The following SPECC1 variants were observed in gnomAD, a reference collection of about 807,000 sequenced individuals.
The protein encoded by SPECC1 is cytospin-B.
A neutral mutation model predicts 104.1 loss-of-function variants in SPECC1; 62 were observed. The ratio of observed to expected loss-of-function variants is 0.60; its 90% CI spans 0.49 to 0.74. SPECC1 has a LOEUF of 0.74. Ranked by LOEUF, SPECC1 falls within the 30% of genes least tolerant of loss-of-function variation. The probability of loss-of-function intolerance (pLI) is 0.00; values close to 1 mark genes in which losing one functional copy is unlikely to be tolerated. For synonymous variants in SPECC1, 513 were observed against 501.6 expected (o/e 1.02, Z -0.30); for missense variants, 1,306 against 1,310.5 (o/e 1.00, Z 0.05).
At chr17:20,274,682 A>G (rs1288004796) in intron 12 of SPECC1, among the ~76,000 whole-genome samples, 1 of 151,268 alleles carries the variant, frequency 6.6e-6, no homozygotes, top group Non-Finnish European at 1.5e-5. Flanking sequence ...AGGTTTCACC[A>G]CATTAGCCAG....
At chr17:20,185,435 T>C (rs1244309644) in intron 3 of SPECC1, among the ~76,000 whole-genome samples, 1 of 152,210 alleles carries the variant, frequency 6.6e-6, no homozygotes. Flanking sequence ...GAGGCTACCA[T>C]GCTGGGGAGA....
chr17:20,044,588 A>G (rs1021955188), intron 1 of SPECC1, among the ~76,000 whole-genome samples: 2 of 152,244 alleles, frequency 1.3e-5, no homozygotes, highest in African/African-American at 4.8e-5. Flanking sequence ...CAATAAAATG[A>G]AAGAAGATGT....
At chr17:20,271,264 A>G (rs534506839) in intron 12 of SPECC1, among the ~76,000 whole-genome samples, 1 of 151,764 alleles carries the variant, frequency 6.6e-6, no homozygotes, top group Admixed American at 6.6e-5. Context: ...ACGTTTATCA[A>G]CTGCTATTTC....
intron 3 of SPECC1, among the ~76,000 whole-genome samples, chr17:20,135,863 A>G (rs1446093416): frequency 6.6e-6 from 1 of 152,200 alleles, no homozygotes; most frequent in Non-Finnish European, 1.5e-5. Context: ...AGACCATAAG[A>G]AAAGTCTGTA....
chr17:20,065,194 A>C (rs1215630230), intron 1 of SPECC1, among the ~76,000 whole-genome samples: 1 of 152,148 alleles, frequency 6.6e-6, no homozygotes, highest in East Asian at 1.9e-4. Flanking sequence ...GACCAAATGT[A>C]TGGGGGTTTC....
chr17:20,246,740 A>G (rs2039439458), intron 8 of SPECC1, among the ~76,000 whole-genome samples: 1 of 152,226 alleles, frequency 6.6e-6, no homozygotes, highest in African/African-American at 2.4e-5. Context: ...TACAGTAACA[A>G]TATCTTTCTT....
rs58803620 is a variant in SPECC1, at chr17:20,316,703, GTTTTT to G, written c.*2645_*2649del. The G allele has an allele frequency of 8.9e-5, 16 of 180,196 alleles. No individual in the cohort carries two copies. The highest frequency in any genetic ancestry group is 4.0e-4 in the South Asian group (2 of 5,014). The allele number at this position is 180,196 out of a possible 1,614,324, so 11.2% of individuals were successfully genotyped here. ...GTGTTTTTTTTGTTGTTGTTTGTTTGTTTTTTTTTTTGAGACAGAGTCTTGCTCTG... is the reference window on the plus strand; with the variant it reads ...GTGTTTTTTTTGTTGTTGTTTGTTTGTTTTTTGAGACAGAGTCTTGCTCTG... On this transcript the variant is annotated 3_prime_UTR_variant, in exon 15 of 15. Transcript: ENST00000395527.
chr17:20,238,616 A>G, intron 7 of SPECC1: 2 of 1,042,628 alleles, frequency 1.9e-6, no homozygotes, highest in Non-Finnish European at 2.3e-6. Context: ...GTGAGAAGAG[A>G]CATTGAGGTC....
chr17:20,032,122 T>G (rs1317800307), intron 1 of SPECC1, among the ~76,000 whole-genome samples: 1 of 151,672 alleles, frequency 6.6e-6, no homozygotes, highest in African/African-American at 2.4e-5. Context: ...TTTCTATTAT[T>G]GTGGTTCTTT....
intron 12 of SPECC1, among the ~76,000 whole-genome samples, chr17:20,276,296 T>A (rs935948263): frequency 4.2e-4 from 64 of 151,670 alleles, no homozygotes; most frequent in African/African-American, 1.4e-3. Flanking sequence ...CTTTAAAAAA[T>A]TTTTTTAGAG....
intron 1 of SPECC1, among the ~76,000 whole-genome samples, chr17:20,046,302 T>C (rs1038573135): frequency 2.6e-5 from 4 of 152,142 alleles, no homozygotes; most frequent in African/African-American, 9.7e-5. Flanking sequence ...ATTTTTTCTT[T>C]CTAGGCTTCT....
chr17:20,015,336 C>T (rs2044078144), intron 1 of SPECC1, among the ~76,000 whole-genome samples: 1 of 149,258 alleles, frequency 6.7e-6, no homozygotes, highest in Admixed American at 6.7e-5. Flanking sequence ...GCTGTGTTGC[C>T]CAGGCCTGGA....
At chr17:20,127,544 GC>G (rs1208779644) in intron 3 of SPECC1, among the ~76,000 whole-genome samples, 1 of 148,948 alleles carries the variant, frequency 6.7e-6, no homozygotes, top group Non-Finnish European at 1.5e-5. Context: ...CTGGGCTCCA[GC>G]AGTCCTCTTG....
intron 7 of SPECC1, among the ~76,000 whole-genome samples, chr17:20,243,853 T>C (rs1334515894): frequency 6.6e-6 from 1 of 152,182 alleles, no homozygotes; most frequent in African/African-American, 2.4e-5. Context: ...TATCAAAGAA[T>C]GAAATGTAAA....
At chr17:20,291,076 G>A (rs1368443832) in intron 12 of SPECC1, among the ~76,000 whole-genome samples, 7 of 152,208 alleles carry the variant, frequency 4.6e-5, no homozygotes, top group Non-Finnish European at 8.8e-5. Context: ...AACCTGGCCC[G>A]TTTGGATGCA....
At chr17:20,034,473 C>T (rs542750966) in intron 1 of SPECC1, among the ~76,000 whole-genome samples, 2 of 152,158 alleles carry the variant, frequency 1.3e-5, no homozygotes, top group East Asian at 3.9e-4. Flanking sequence ...TTCCCATATA[C>T]CTTTCATCTA....
chr17:20,264,379 G>C (rs2013576), intron 12 of SPECC1, among the ~76,000 whole-genome samples: 106,596 of 150,850 alleles, frequency 0.71, 39,393 homozygotes, highest in East Asian at 0.99. Context: ...TTTCAACTCA[G>C]GCCTTCTTCC....
intron 13 of SPECC1, among the ~76,000 whole-genome samples, chr17:20,303,296 C>T (rs1249802960): frequency 6.6e-6 from 1 of 152,216 alleles, no homozygotes; most frequent in African/African-American, 2.4e-5. Flanking sequence ...CAGGAGTTCA[C>T]AGCTCCCCTC....
rs1446345774 is a variant in SPECC1, at chr17:20,313,968, C to G, written c.3118-8C>G. 3 of 1,613,910 alleles carry G rather than the reference C, an allele frequency of 1.9e-6. No homozygotes were observed. Reference sequence around the variant, plus strand: ...TTGTGATCTGTCCCCCATTCCCTTCCCCTGCAGGAACTCAGCGAGATGCTG... The same window carrying G: ...TTGTGATCTGTCCCCCATTCCCTTCGCCTGCAGGAACTCAGCGAGATGCTG... On this transcript the variant is annotated splice_polypyrimidine_tract_variant and splice_region_variant and intron_variant, in intron 14 of 14. Coordinates refer to ENST00000395527, the MANE Select transcript of SPECC1 (RefSeq NM_001243439.2).
Sources: gnomAD v4.1 joint callset for allele counts (sites outside exome capture counted in the v4.1 genomes callset) on GRCh38, gnomAD v4.1.1 for gene constraint, MANE v1.5 for transcripts, NCBI Gene and HGNC (gene_info 2026-07-23, HGNC 2026-07-21) for gene names.